Variants in MYOM1 observed in about 807,000 individuals in gnomAD.
The protein encoded by MYOM1 is myomesin 1.
In MYOM1, 164 loss-of-function variants were observed where a neutral mutation model predicts 205.3. That is an observed-to-expected ratio of 0.80 (90% CI 0.70 to 0.91). The LOEUF is 0.91. MYOM1 is among the 40% of genes least tolerant of loss of function. The pLI is 0.00. For synonymous variants in MYOM1, 772 were observed against 789.4 expected, an observed-to-expected ratio of 0.98 and a Z score of 0.37; for missense variants, 2,011 against 2,127.3, an observed-to-expected ratio of 0.95 and a Z score of 1.08.
At chr18:3,202,770 A>T (rs1296667244) in intron 2 of MYOM1, among the ~76,000 whole-genome samples, 1 of 152,124 alleles carries the variant, frequency 6.6e-6, no homozygotes, top group Non-Finnish European at 1.5e-5. Flanking sequence ...AAAAATCATC[A>T]GGAACATAGA....
chr18:3,193,055 G>A (rs2080933867), intron 3 of MYOM1, among the ~76,000 whole-genome samples: 2 of 151,816 alleles, frequency 1.3e-5, no homozygotes, highest in African/African-American at 4.8e-5. Flanking sequence ...GATCACTTGA[G>A]CCCAGGAGTT....
chr18:3,211,038 T>C (rs983700770), intron 2 of MYOM1, among the ~76,000 whole-genome samples: 9 of 152,220 alleles, frequency 5.9e-5, no homozygotes, highest in Non-Finnish European at 1.0e-4. Context: ...CCATGGAAGG[T>C]TGAGGAACAA....
chr18:3,186,390 T>C (rs1172979975), intron 5 of MYOM1, among the ~76,000 whole-genome samples: 2 of 152,150 alleles, frequency 1.3e-5, no homozygotes, highest in Non-Finnish European at 2.9e-5. Context: ...TTACCACCAC[T>C]CCTGAAAATA....
intron 2 of MYOM1, among the ~76,000 whole-genome samples, chr18:3,207,385 C>A (rs1292806678): frequency 6.6e-6 from 1 of 152,182 alleles, no homozygotes; most frequent in Non-Finnish European, 1.5e-5. Flanking sequence ...AGACACTTGA[C>A]AATAGTATCA....
intron 2 of MYOM1, among the ~76,000 whole-genome samples, chr18:3,195,785 T>G (rs537708746): frequency 6.6e-6 from 1 of 152,328 alleles, no homozygotes; most frequent in Admixed American, 6.5e-5. Flanking sequence ...AATAATGCAT[T>G]TATTACATAG....
At chr18:3,203,951 A>G (rs766407473) in intron 2 of MYOM1, among the ~76,000 whole-genome samples, 1 of 152,052 alleles carries the variant, frequency 6.6e-6, no homozygotes, top group African/African-American at 2.4e-5. Context: ...GGTTGATTTA[A>G]CATATGAAAA....
Position 3,215,180 on chromosome 18 carries a change from A to G in MYOM1, c.44T>C (p.Leu15Pro). ...GCGCACGTCCTTGTTGCGGTAGCTG[A>G]GATCATAGTGCTGGTGGCACCTCTG... ...FYQRCHQHYD[L>P]SYRNKDVRST... The change falls in exon 2 of 38, where the codon CTC becomes CCC. Residue 15 changes from leucine to proline, a missense_variant. Coordinates refer to ENST00000356443, the MANE Select transcript of MYOM1 (RefSeq NM_003803.4). The G allele has an allele frequency of 6.2e-7, 1 of 1,613,384 alleles. No homozygotes were observed. The highest frequency in any genetic ancestry group is 8.5e-7 in the Non-Finnish European group (1 of 1,179,676).
At chr18:3,234,317 G>A in the MYOM1 span, among the ~76,000 whole-genome samples, 73 of 152,316 alleles carry the variant, frequency 4.8e-4, no homozygotes, top group African/African-American at 1.3e-3. Context: ...GGAAACAGTA[G>A]AGGAAAATCC....
intron 5 of MYOM1, 47 bp from the exon 6 acceptor site, chr18:3,176,181 C>A: frequency 8.9e-7 from 1 of 1,129,016 alleles, no homozygotes; most frequent in South Asian, 1.3e-5. Context: ...GTGTAAACAA[C>A]TTCATGATTA....
Position 3,151,700 on chromosome 18 carries a change from G to A in MYOM1, c.1837C>T (p.Leu613Phe), listed in dbSNP as rs772632197. ...AALDPAEKAR[L>F]KSRPSAPWTG... ...AAAAATGAAAAGTGCTTACTTTTAA[G>A]TCTAGCTTTCTCAGCCGGATCCAGA... Residue 613 changes from leucine (L) to phenylalanine (F), a missense_variant, in exon 12 of 38, where the codon CTT becomes TTT. Transcript: ENST00000356443. 2 of 1,612,798 alleles carry A rather than the reference G, an allele frequency of 1.2e-6. No individual in the cohort carries two copies. The highest frequency in any genetic ancestry group is 1.3e-5 in the African/African-American group (1 of 74,990).
At position 3,129,183 on chromosome 18, in the gene MYOM1, A is replaced by G. The variant is rs1453783360; in HGVS notation, c.2794+49T>C. ...GATGTGATGTAGACGATGAGAGGTGAGGACAGTGATGGAGACGGATGGAAC... is the reference window on the plus strand; with the variant it reads ...GATGTGATGTAGACGATGAGAGGTGGGGACAGTGATGGAGACGGATGGAAC... On this transcript the variant is annotated intron_variant, in intron 18 of 37. Transcript: ENST00000356443. 8.3e-6 allele frequency: 13 copies of G among 1,571,052 alleles called. 1 individual carries two copies. Among genetic ancestry groups the G allele is most frequent in the Non-Finnish European group, 1.1e-5 (13 of 1,157,552 alleles).
chr18:3,172,751 T>C (rs1265219090), intron 8 of MYOM1, among the ~76,000 whole-genome samples: 2 of 152,158 alleles, frequency 1.3e-5, no homozygotes, highest in East Asian at 1.9e-4. Flanking sequence ...CCTCAGGTGA[T>C]CCACCCACCT....
intron 13 of MYOM1, among the ~76,000 whole-genome samples, chr18:3,144,318 T>C (rs550830303): frequency 6.6e-6 from 1 of 151,702 alleles, no homozygotes; most frequent in Admixed American, 6.6e-5. Context: ...TCTAAACTAC[T>C]AAAAAGCAAA....
the MYOM1 span, among the ~76,000 whole-genome samples, chr18:3,241,320 T>G: frequency 1.0e-3 from 152 of 152,270 alleles, 4 homozygotes; most frequent in South Asian, 0.03. Context: ...AGGGTCCCTA[T>G]GCTGCAGGCA....
chr18:3,226,654 T>C, the MYOM1 span, among the ~76,000 whole-genome samples: 1 of 152,182 alleles, frequency 6.6e-6, no homozygotes, highest in African/African-American at 2.4e-5. This position sits in a 1 kb window ranked among gnomAD's most constrained non-coding sequence, Gnocchi z 4.6. Context: ...TGGGAAGTTT[T>C]TCGTGTGGTA....
intron 8 of MYOM1, among the ~76,000 whole-genome samples, chr18:3,173,355 A>G (rs2080587770): frequency 6.6e-6 from 1 of 152,134 alleles, no homozygotes; most frequent in Non-Finnish European, 1.5e-5. Flanking sequence ...CTTGCCTTCA[A>G]GTGGCTCATG....
At chr18:3,094,668 C>CT (rs111967746) in intron 25 of MYOM1, among the ~76,000 whole-genome samples, 1,675 of 143,828 alleles carry the variant, frequency 0.012, 30 homozygotes, top group African/African-American at 0.034. Flanking sequence ...TTTTCTTTTT[C>CT]TTTTTTTTTT....
At chr18:3,178,506 G>A (rs1388813647) in intron 5 of MYOM1, among the ~76,000 whole-genome samples, 1 of 152,184 alleles carries the variant, frequency 6.6e-6, no homozygotes, top group Non-Finnish European at 1.5e-5. Context: ...GAACATGATG[G>A]AAAGGGAGAG....
intron 10 of MYOM1, among the ~76,000 whole-genome samples, chr18:3,159,894 CTTCCTTCCTTCCTTCCTTCCT>C (rs2080357083): frequency 1.6e-5 from 1 of 62,922 alleles, no homozygotes; most frequent in African/African-American, 4.5e-5. Context: ...TCCTTCCTTC[CTTCCTTCCTTCCTTCCTTCCT>C]TCCTTCCTTC....
Sources: allele counts gnomAD v4.1 joint callset (sites outside exome capture counted in the v4.1 genomes callset), GRCh38; gene constraint gnomAD v4.1.1; non-coding constraint Gnocchi (gnomAD v3.1); transcripts MANE v1.5; gene names NCBI Gene and HGNC (gene_info 2026-07-23, HGNC 2026-07-21).